Variants in NRCAM observed in about 807,000 individuals in gnomAD.
The protein encoded by NRCAM is NgCAM-related cell adhesion molecule.
Under a neutral mutation model 156.5 loss-of-function variants are expected in NRCAM, and 83 were observed. That is an observed-to-expected ratio of 0.53 (90% CI 0.44 to 0.64). NRCAM has a LOEUF of 0.64. Among genes scored for constraint, NRCAM ranks in the 30% least tolerant of loss-of-function variants. The pLI, the probability that NRCAM is intolerant of heterozygous loss-of-function variation, is 0.00. For missense variants in NRCAM, 1,417 were observed against 1,597.3 expected, an observed-to-expected ratio of 0.89 and a Z score of 1.92; for synonymous variants, 538 against 563.9, an observed-to-expected ratio of 0.95 and a Z score of 0.65.
At chr7:108,238,647 A>G (rs1025489056) in intron 4 of NRCAM, among the ~76,000 whole-genome samples, 12 of 152,180 alleles carry the variant, frequency 7.9e-5, no homozygotes, top group African/African-American at 2.7e-4. Flanking sequence ...ATTTAATATA[A>G]GAGAGAACAA....
chr7:108,393,005 C>T (rs566229959), intron 2 of NRCAM, among the ~76,000 whole-genome samples: 5 of 152,134 alleles, frequency 3.3e-5, no homozygotes, highest in African/African-American at 7.2e-5. Flanking sequence ...TTAGGCTACT[C>T]GGAGGTCAGG....
At chr7:108,343,568 C>T (rs2099318304) in intron 2 of NRCAM, among the ~76,000 whole-genome samples, 2 of 152,100 alleles carry the variant, frequency 1.3e-5, no homozygotes, top group South Asian at 4.1e-4. Context: ...GAAACCAAGC[C>T]CCAGTACTCA....
At chr7:108,359,226 A>G (rs1355056509) in intron 2 of NRCAM, among the ~76,000 whole-genome samples, 1 of 152,240 alleles carries the variant, frequency 6.6e-6, no homozygotes, top group African/African-American at 2.4e-5. Context: ...ACAGAAATGA[A>G]GCAGATGTAA....
intron 20 of NRCAM, among the ~76,000 whole-genome samples, chr7:108,185,916 T>C (rs542562277): frequency 5.3e-5 from 8 of 152,180 alleles, no homozygotes; most frequent in Non-Finnish European, 1.2e-4. Flanking sequence ...TTCACTTGCA[T>C]ATAAATGCAT....
chr7:108,416,587 A>T (rs11312094), intron 1 of NRCAM, among the ~76,000 whole-genome samples: 5 of 556 alleles, frequency 9.0e-3, no homozygotes, highest in Admixed American at 0.02. Context: ...ACAAATAATT[A>T]AAAAAAAAAA....
intron 1 of NRCAM, among the ~76,000 whole-genome samples, chr7:108,455,575 C>A (rs1856167095): frequency 6.6e-6 from 1 of 152,172 alleles, no homozygotes; most frequent in Non-Finnish European, 1.5e-5. Flanking sequence ...GCGCCCCACC[C>A]CTCTGTCCTC....
At chr7:108,216,476 A>G (rs1227277093) in intron 11 of NRCAM, among the ~76,000 whole-genome samples, 2 of 152,152 alleles carry the variant, frequency 1.3e-5, no homozygotes, top group Admixed American at 6.5e-5. Context: ...TAGGTTGGGG[A>G]AGTTCTCCTG....
intron 3 of NRCAM, among the ~76,000 whole-genome samples, chr7:108,262,368 T>A (rs1401437563): frequency 1.3e-5 from 2 of 152,058 alleles, no homozygotes; most frequent in Admixed American, 6.5e-5. Context: ...AAGGCTGAAA[T>A]AGGAAACAGG....
At chr7:108,264,505 C>T (rs1445870744) in intron 3 of NRCAM, among the ~76,000 whole-genome samples, 1 of 152,208 alleles carries the variant, frequency 6.6e-6, no homozygotes, top group Non-Finnish European at 1.5e-5. Context: ...TTCTACCTTT[C>T]CTTAAAATGA....
chr7:108,255,959 TG>T (rs1286167089), intron 3 of NRCAM, among the ~76,000 whole-genome samples: 1 of 131,368 alleles, frequency 7.6e-6, no homozygotes, highest in African/African-American at 2.9e-5. Context: ...GGGAGGGAGG[TG>T]GGGGGCAGCC....
intron 3 of NRCAM, among the ~76,000 whole-genome samples, chr7:108,307,189 C>T (rs191960252): frequency 2.1e-4 from 32 of 152,324 alleles, no homozygotes; most frequent in Non-Finnish European, 4.3e-4. Context: ...TAAAAGGGCT[C>T]ATGTGAGCGA....
At chr7:108,365,511 A>G (rs1245880233) in intron 2 of NRCAM, among the ~76,000 whole-genome samples, 1 of 152,216 alleles carries the variant, frequency 6.6e-6, no homozygotes, top group Non-Finnish European at 1.5e-5. Context: ...AGCACCTCAC[A>G]TACTTATAAT....
intron 3 of NRCAM, among the ~76,000 whole-genome samples, chr7:108,272,747 T>C (rs1478398957): frequency 1.3e-5 from 2 of 152,084 alleles, no homozygotes; most frequent in Non-Finnish European, 2.9e-5. Flanking sequence ...TCCAGAATTC[T>C]ATTTTTTTCT....
chr7:108,331,869 T>C (rs2099130668), intron 2 of NRCAM, among the ~76,000 whole-genome samples: 1 of 152,210 alleles, frequency 6.6e-6, no homozygotes, highest in Non-Finnish European at 1.5e-5. Context: ...TAAGTTCTCC[T>C]AGCACAGAAA....
chr7:108,172,611 T>C (rs1030447598), intron 28 of NRCAM, among the ~76,000 whole-genome samples: 8 of 152,024 alleles, frequency 5.3e-5, no homozygotes, highest in African/African-American at 1.9e-4. Flanking sequence ...TAAAGAGACA[T>C]AGAAATTGAA....
At chr7:108,185,735 G>A (rs377055950) in intron 20 of NRCAM, among the ~76,000 whole-genome samples, 60 of 128,446 alleles carry the variant, frequency 4.7e-4, no homozygotes, top group East Asian at 3.4e-3. Context: ...AGAGAGAGAG[G>A]AAAAAAAAAA....
At chr7:108,415,800 A>C (rs912720167) in intron 1 of NRCAM, among the ~76,000 whole-genome samples, 1 of 152,206 alleles carries the variant, frequency 6.6e-6, no homozygotes, top group Non-Finnish European at 1.5e-5. Flanking sequence ...GACAGTCACT[A>C]GAACACAGGA....
At chr7:108,391,261 A>G (rs939854714) in intron 2 of NRCAM, among the ~76,000 whole-genome samples, 3 of 152,070 alleles carry the variant, frequency 2.0e-5, no homozygotes, top group African/African-American at 7.2e-5. Flanking sequence ...GTGCTCCTGT[A>G]TTGGGTGCAT....
At position 108,230,377 on chromosome 7, in the gene NRCAM, A is replaced by G. The variant is rs145175196; in HGVS notation, c.550+654T>C. ...CAGCAGTGGCCCCAACAGTCTCTCT[A>G]CTCTCTCTTTTGCCCGCTATATTCT... On this transcript the variant is annotated intron_variant, in intron 8 of 32. Transcript: ENST00000379028. Among the ~76,000 whole-genome samples, 11 of 152,020 alleles carry G rather than the reference A, an allele frequency of 7.2e-5. No homozygotes were observed. In the East Asian group the frequency reaches 1.5e-3, roughly 21 times the overall value.
Sources: allele counts gnomAD v4.1 joint callset (sites outside exome capture counted in the v4.1 genomes callset), GRCh38; gene constraint gnomAD v4.1.1; transcripts MANE v1.5; gene names NCBI Gene and HGNC (gene_info 2026-07-23, HGNC 2026-07-21).